The following PLAAT5 variants were observed in gnomAD, a reference collection of about 807,000 sequenced individuals.
PLAAT5 encodes phospholipase A and acyltransferase 5.
Under a neutral mutation model 27.8 loss-of-function variants are expected in PLAAT5, and 27 were observed. The ratio of observed to expected loss-of-function variants is 0.97; its 90% CI spans 0.72 to 1.34. PLAAT5 has a LOEUF of 1.34. Among genes scored for constraint, PLAAT5 ranks in the 40% most tolerant of loss-of-function variants. PLAAT5 has a pLI of 0.00. For missense variants in PLAAT5, 368 were observed against 343.8 expected (o/e 1.07, Z -0.56); for synonymous variants, 125 against 136.1 (o/e 0.92, Z 0.57).
chr11:63,479,886 T>C (rs2120296263), intron 3 of PLAAT5, among the ~76,000 whole-genome samples: 1 of 152,344 alleles, frequency 6.6e-6, no homozygotes, highest in Admixed American at 6.5e-5. Context: ...ACAGTAAGAT[T>C]ATGGGACAGG....
rs539393071 is a variant in PLAAT5 at position 63,466,023 on chromosome 11, C to A, written c.717+87G>T. On this transcript the variant is annotated intron_variant, in intron 5 of 5. Transcript: ENST00000540857. ...AGTATAACGAATAATATAATGAAAG[C>A]CCTGATTACCATTCTGATCACTAAT... The A allele has an allele frequency of 2.3e-4, 311 of 1,344,972 alleles. 1 individual carries two copies. In the East Asian group the frequency reaches 7.1e-3, roughly 31 times the overall value. 83.3% of individuals were successfully genotyped at this position (1,344,972 alleles called of 1,614,324 possible). A position where few individuals can be genotyped will look rare whatever the true frequency, so the allele number is the denominator to read the frequency against.
At chr11:63,484,705 T>C (rs1213783330) in intron 3 of PLAAT5, among the ~76,000 whole-genome samples, 1 of 152,126 alleles carries the variant, frequency 6.6e-6, no homozygotes, top group Non-Finnish European at 1.5e-5. Flanking sequence ...TGGGGAAAAG[T>C]TGAAAGCATT....
intron 3 of PLAAT5, chr11:63,470,369 C>G (rs1038392396): frequency 6.1e-6 from 1 of 164,704 alleles, no homozygotes; most frequent in Non-Finnish European, 1.4e-5. Flanking sequence ...TGTGGTAAAG[C>G]TTTTAACCAG....
intron 4 of PLAAT5, 123 bp from the exon 5 acceptor site, chr11:63,466,495 A>G: frequency 1.0e-6 from 1 of 968,560 alleles, no homozygotes; most frequent in Non-Finnish European, 1.5e-6. Flanking sequence ...GAAGGGTGGC[A>G]GAAGAGGGGA....
intron 4 of PLAAT5, 117 bp from the exon 5 acceptor site, chr11:63,466,489 G>C: frequency 9.7e-7 from 1 of 1,031,848 alleles, no homozygotes; most frequent in Non-Finnish European, 1.4e-6. Flanking sequence ...TCAGTAGAAG[G>C]GTGGCAGAAG....
intron 4 of PLAAT5, among the ~76,000 whole-genome samples, 156 bp from the exon 5 acceptor site, chr11:63,466,528 A>C (rs995746245): frequency 6.6e-6 from 1 of 152,150 alleles, no homozygotes; most frequent in Non-Finnish European, 1.5e-5. Flanking sequence ...AGAACCGCAG[A>C]GAATCAACTT....
chr11:63,467,451 G>T (rs1000371253), intron 4 of PLAAT5, among the ~76,000 whole-genome samples: 1 of 152,144 alleles, frequency 6.6e-6, no homozygotes, highest in African/African-American at 2.4e-5. Context: ...TGCTCCATGG[G>T]AACATCCCTG....
chr11:63,479,118 A>G (rs1403466803), intron 3 of PLAAT5, among the ~76,000 whole-genome samples: 1 of 152,128 alleles, frequency 6.6e-6, no homozygotes, highest in Non-Finnish European at 1.5e-5. Context: ...CCCACCATAA[A>G]TCCCGGAAGC....
At chr11:63,488,448 A>C (rs2016488083) in intron 3 of PLAAT5, among the ~76,000 whole-genome samples, 1 of 152,172 alleles carries the variant, frequency 6.6e-6, no homozygotes, top group Admixed American at 6.5e-5. Flanking sequence ...AATTTATCAA[A>C]TTGTATATTT....
In PLAAT5 at chr11:63,466,562, G is replaced by A. The variant is rs573104104; in HGVS notation, c.455-190C>T. On this transcript the variant is annotated intron_variant, in intron 4 of 5. Transcript: ENST00000540857. The stretch of plus-strand genomic sequence containing the variant: ...TTTCCTGAGAAGCCCTTTGCCCTGC[G>A]CCTCACTCCCTGCTCTCAACCCGCA... Among the ~76,000 whole-genome samples the A allele has an allele frequency of 5.3e-5, 8 of 152,146 alleles. No homozygotes were observed. The South Asian group carries it at 8.3e-4, about 16-fold the overall frequency.
chr11:63,463,808 T>C (rs1463043742), intron 5 of PLAAT5, among the ~76,000 whole-genome samples: 3 of 152,148 alleles, frequency 2.0e-5, no homozygotes, highest in African/African-American at 7.2e-5. Context: ...AACCCCTTCC[T>C]CCCTCTGTGC....
Position 63,491,117 on chromosome 11 carries a change from C to G in PLAAT5, c.-83G>C. ...GTTCCCAGTCGGCGCGGCCCCTGGT[C>G]GGCGGAGCCGCGGAAGCTTGGGCAC... On this transcript the variant is annotated 5_prime_UTR_variant, in exon 1 of 6. Coordinates refer to ENST00000540857, the MANE Select transcript of PLAAT5 (RefSeq NM_001146729.2). The G allele has an allele frequency of 2.5e-6, 3 of 1,211,712 alleles. No homozygotes were observed. Among genetic ancestry groups the G allele is most frequent in the Non-Finnish European group, 3.2e-6 (3 of 936,840 alleles). The allele number at this position is 1,211,712 out of a possible 1,614,324, so 75.1% of individuals were successfully genotyped here.
intron 3 of PLAAT5, among the ~76,000 whole-genome samples, chr11:63,479,543 T>C (rs1255361271): frequency 2.0e-5 from 3 of 152,264 alleles, no homozygotes; most frequent in East Asian, 3.8e-4. Flanking sequence ...TTTTGATTCA[T>C]AGATTGTCTA....
intron 3 of PLAAT5, among the ~76,000 whole-genome samples, chr11:63,483,160 G>A (rs1219029795): frequency 6.6e-6 from 1 of 151,422 alleles, no homozygotes; most frequent in African/African-American, 2.4e-5. Flanking sequence ...GTAATAGTGG[G>A]GGGACTTCAG....
In PLAAT5 at chr11:63,463,687, A is replaced by AG. The variant is rs2015780097; in HGVS notation, c.718-93dup. On this transcript the variant is annotated intron_variant, in intron 5 of 5. Coordinates refer to ENST00000540857, the MANE Select transcript of PLAAT5 (RefSeq NM_001146729.2). ...ACCCCACCATACCCATTCAGCAACCAGCCTGTCTGGAGTCTATTCCCAAGA... is the reference window on the plus strand; with the variant it reads ...ACCCCACCATACCCATTCAGCAACCAGGCCTGTCTGGAGTCTATTCCCAAGA... 4.2e-6 allele frequency: 4 copies of AG among 945,274 alleles called. No individual in the cohort carries two copies. The South Asian group carries it at 5.2e-5, about 12-fold the overall frequency. The allele number at this position is 945,274 out of a possible 1,614,324, so 58.6% of individuals were successfully genotyped here.
chr11:63,464,012 C>A (rs1305973870), intron 5 of PLAAT5, among the ~76,000 whole-genome samples: 3 of 152,198 alleles, frequency 2.0e-5, no homozygotes, highest in Non-Finnish European at 4.4e-5. Flanking sequence ...CTCCTAGGCC[C>A]AAGCTTCTTC....
chr11:63,483,331 T>C (rs1278225035), intron 3 of PLAAT5, among the ~76,000 whole-genome samples: 3 of 152,090 alleles, frequency 2.0e-5, no homozygotes, highest in Non-Finnish European at 4.4e-5. Flanking sequence ...ACATGGAACA[T>C]TCGCCAAGAT....
chr11:63,467,894 T>C (rs2015905156), intron 4 of PLAAT5, among the ~76,000 whole-genome samples: 1 of 152,162 alleles, frequency 6.6e-6, no homozygotes, highest in South Asian at 2.1e-4. Flanking sequence ...GCAAGGAGCA[T>C]GTTGGAACAG....
At chr11:63,485,528 G>C (rs1459602524) in intron 3 of PLAAT5, among the ~76,000 whole-genome samples, 2 of 152,006 alleles carry the variant, frequency 1.3e-5, no homozygotes, top group Non-Finnish European at 2.9e-5. Flanking sequence ...AGTAGAAAAG[G>C]ACATCCTATT....
Sources: allele counts gnomAD v4.1 joint callset (sites outside exome capture counted in the v4.1 genomes callset), GRCh38; gene constraint gnomAD v4.1.1; transcripts MANE v1.5; gene names NCBI Gene and HGNC (gene_info 2026-07-23, HGNC 2026-07-21).